PLXNA4: variants seen among roughly 807,000 people sequenced by gnomAD.
PLXNA4 encodes the protein plexin A4.
A neutral mutation model predicts 191.8 loss-of-function variants in PLXNA4; 44 were observed. The observed-to-expected ratio is 0.23, with a 90% confidence interval of 0.18 to 0.29. The LOEUF is 0.29. PLXNA4 is among the 10% of genes least tolerant of loss of function. The pLI, the probability that PLXNA4 is intolerant of heterozygous loss-of-function variation, is 1.00. For synonymous variants in PLXNA4, 1,082 were observed against 1,009.5 expected, an observed-to-expected ratio of 1.07 and a Z score of -1.36; for missense variants, 1,800 against 2,488.8, an observed-to-expected ratio of 0.72 and a Z score of 5.89.
At chr7:132,497,352 G>A (rs1199043245) in intron 2 of PLXNA4, among the ~76,000 whole-genome samples, 5 of 152,120 alleles carry the variant, frequency 3.3e-5, no homozygotes, top group Admixed American at 1.3e-4. Flanking sequence ...CAAATATGAC[G>A]GCTGACCCCT....
intron 5 of PLXNA4, among the ~76,000 whole-genome samples, chr7:132,236,999 C>A (rs1798723230): frequency 6.6e-6 from 1 of 152,134 alleles, no homozygotes; most frequent in African/African-American, 2.4e-5. Flanking sequence ...ACCTGAGGAA[C>A]TAGGGAAGAA....
At chr7:132,299,864 A>G (rs1801239967) in intron 3 of PLXNA4, among the ~76,000 whole-genome samples, 1 of 152,242 alleles carries the variant, frequency 6.6e-6, no homozygotes, top group Admixed American at 6.5e-5. Context: ...CATGGTAGAA[A>G]GAAGAGGCCA....
chr7:132,415,511 A>C (rs1331279347), intron 3 of PLXNA4, among the ~76,000 whole-genome samples: 1 of 152,196 alleles, frequency 6.6e-6, no homozygotes, highest in African/African-American at 2.4e-5. Flanking sequence ...AATGATACAC[A>C]TGTGGGCCCT....
At chr7:132,614,996 G>A (rs1803123744) in intron 2 of PLXNA4, among the ~76,000 whole-genome samples, 1 of 152,132 alleles carries the variant, frequency 6.6e-6, no homozygotes, top group Non-Finnish European at 1.5e-5. Flanking sequence ...CCCTTAAACT[G>A]TAATAAATCT....
At chr7:132,165,419 G>A (rs773440598) in intron 22 of PLXNA4, among the ~76,000 whole-genome samples, 1 of 152,218 alleles carries the variant, frequency 6.6e-6, no homozygotes, top group African/African-American at 2.4e-5. Context: ...GCTGGAAGAT[G>A]ACATTTTGGG....
intron 3 of PLXNA4, among the ~76,000 whole-genome samples, chr7:132,334,508 T>C (rs1039210896): frequency 3.9e-5 from 6 of 152,088 alleles, no homozygotes; most frequent in Non-Finnish European, 7.3e-5. Flanking sequence ...CCTTCCCTCC[T>C]CATCCTCCCA....
chr7:132,551,700 T>C (rs984890837), intron 1 of PLXNA4, among the ~76,000 whole-genome samples: 4 of 152,120 alleles, frequency 2.6e-5, no homozygotes, highest in Non-Finnish European at 5.9e-5. Context: ...GAAATATGAT[T>C]CTAGGTGTCA....
At chr7:132,320,813 A>G (rs1434169328) in intron 3 of PLXNA4, among the ~76,000 whole-genome samples, 4 of 152,206 alleles carry the variant, frequency 2.6e-5, no homozygotes, top group Non-Finnish European at 4.4e-5. Flanking sequence ...AGCCTTGCGC[A>G]GACCTACAGA....
intron 3 of PLXNA4, among the ~76,000 whole-genome samples, chr7:132,371,774 C>CCTGCCT (rs754698349): frequency 1.2e-4 from 19 of 152,224 alleles, no homozygotes; most frequent in Middle Eastern, 3.4e-3. Context: ...CTGATCAGCC[C>CCTGCCT]CTGCCTCCTG....
intron 21 of PLXNA4, among the ~76,000 whole-genome samples, chr7:132,170,626 G>A (rs1054817635): frequency 1.3e-5 from 2 of 152,224 alleles, no homozygotes; most frequent in African/African-American, 2.4e-5. Flanking sequence ...GCAGGAGGCC[G>A]GGTTCAGTCA....
intron 2 of PLXNA4, among the ~76,000 whole-genome samples, chr7:132,497,969 C>T (rs1235154517): frequency 6.6e-6 from 1 of 152,146 alleles, no homozygotes; most frequent in Non-Finnish European, 1.5e-5. Context: ...TAGACAAACA[C>T]ATCATTGCAG....
chr7:132,236,881 T>C (rs1341200097), intron 5 of PLXNA4, among the ~76,000 whole-genome samples: 1 of 152,168 alleles, frequency 6.6e-6, no homozygotes, highest in African/African-American at 2.4e-5. Context: ...TCTCTCCTGC[T>C]GAGCCCACTT....
chr7:132,465,437 T>G (rs1796663521), intron 3 of PLXNA4, among the ~76,000 whole-genome samples: 1 of 152,230 alleles, frequency 6.6e-6, no homozygotes, highest in Admixed American at 6.5e-5. Context: ...TTTTACAATC[T>G]TTGTTCCTGG....
At position 132,129,180 on chromosome 7, in the gene PLXNA4, G is replaced by T. The variant is rs1253157434; in HGVS notation, c.*1299C>A. 1 of 152,268 alleles carries T rather than the reference G, an allele frequency of 6.6e-6. No homozygotes were observed. The highest frequency in any genetic ancestry group is 1.5e-5 in the Non-Finnish European group (1 of 68,070). The allele number at this position is 152,268 out of a possible 1,614,324, so 9.4% of individuals were successfully genotyped here. A position where few individuals can be genotyped will look rare whatever the true frequency, so the allele number is the denominator to read the frequency against. ...CCAGATCTGACAAGCTGGAGGCTGA[G>T]GTTGGCTGGCATTTTGGGCTGTCTC... On this transcript the variant is annotated 3_prime_UTR_variant, in exon 32 of 32. Transcript: ENST00000321063.
rs187749330 is a variant in PLXNA4 at position 132,161,130 on chromosome 7, G to A, written c.4501-1498C>T. On this transcript the variant is annotated intron_variant, in intron 24 of 31. Coordinates refer to ENST00000321063, the MANE Select transcript of PLXNA4 (RefSeq NM_020911.2). The stretch of plus-strand genomic sequence containing the variant: ...CCCTTGGGCTGTTCTGGCAGCCCCT[G>A]CTGTCCTGTCCTCTGGGCCCTGGTG... 2.4e-4 allele frequency among the ~76,000 whole-genome samples: 37 copies of A among 152,288 alleles called. No individual in the cohort carries two copies. In the East Asian group the frequency reaches 4.5e-3, roughly 18 times the overall value.
intron 3 of PLXNA4, among the ~76,000 whole-genome samples, chr7:132,465,350 A>AT (rs978984285): frequency 1.3e-5 from 2 of 152,180 alleles, no homozygotes; most frequent in Admixed American, 1.3e-4. Context: ...ACCTGAAATG[A>AT]TTTTTACCAG....
intron 3 of PLXNA4, among the ~76,000 whole-genome samples, chr7:132,416,843 C>T (rs1180339212): frequency 6.6e-6 from 1 of 152,140 alleles, no homozygotes; most frequent in Non-Finnish European, 1.5e-5. Flanking sequence ...TGACACCTAA[C>T]AGTTCTTCAA....
intron 16 of PLXNA4, 44 bp downstream of exon 16, chr7:132,185,255 A>G (rs761312667): frequency 1.3e-6 from 2 of 1,566,966 alleles, no homozygotes; most frequent in Non-Finnish European, 1.7e-6. Flanking sequence ...GGGAAGGGAA[A>G]CAGAGGTGCA....
chr7:132,369,310 C>T (rs965543302), intron 3 of PLXNA4, among the ~76,000 whole-genome samples: 3 of 152,196 alleles, frequency 2.0e-5, no homozygotes, highest in African/African-American at 7.2e-5. Flanking sequence ...AGACCCCTTG[C>T]TGATATCATA....
Sources: allele counts gnomAD v4.1 joint callset (sites outside exome capture counted in the v4.1 genomes callset), GRCh38; gene constraint gnomAD v4.1.1; transcripts MANE v1.5; gene names NCBI Gene and HGNC (gene_info 2026-07-23, HGNC 2026-07-21).